The following PCDHGA3 variants were observed in gnomAD, a reference collection of about 807,000 sequenced individuals.
PCDHGA3 encodes protocadherin gamma subfamily A, 3, also known as protocadherin gamma-A3.
A neutral mutation model predicts 58.5 loss-of-function variants in PCDHGA3; 40 were observed. The ratio of observed to expected loss-of-function variants is 0.68; its 90% CI spans 0.53 to 0.89. PCDHGA3 has a LOEUF of 0.89. PCDHGA3 is among the 40% of genes least tolerant of loss of function. The pLI is 0.00. For missense variants in PCDHGA3, 1,223 were observed against 1,195.9 expected (o/e 1.02, Z -0.33); for synonymous variants, 530 against 525.7 (o/e 1.01, Z -0.11).
intron 1 of PCDHGA3, chr5:141,371,030 C>T (rs62378420): frequency 0.034 from 55,625 of 1,613,990 alleles, 1,067 homozygotes; most frequent in Middle Eastern, 0.098. Flanking sequence ...ACCTGGTCCT[C>T]ACAGCTGTGG....
At chr5:141,447,649 T>C (rs909020761) in intron 1 of PCDHGA3, among the ~76,000 whole-genome samples, 1 of 152,206 alleles carries the variant, frequency 6.6e-6, no homozygotes, top group Non-Finnish European at 1.5e-5. Context: ...TGGTAGAATT[T>C]TCCCCCCCAG....
rs779871354 is a variant in PCDHGA3 at position 141,428,131 on chromosome 5, G to A, written c.2425-66676G>A. 8.7e-6 allele frequency: 14 copies of A among 1,602,720 alleles called. No homozygotes were observed. The South Asian group carries it at 1.5e-4, about 18-fold the overall frequency. On this transcript the variant is annotated intron_variant, in intron 1 of 3. Transcript: ENST00000253812. ...CAGGCCATCGAGCCCGGGCTTTTCA[G>A]CCTGGGGCTGCACACGGGAACCTGC...
intron 1 of PCDHGA3, chr5:141,391,235 G>A (rs939140536): frequency 6.6e-6 from 1 of 151,890 alleles, no homozygotes; most frequent in Admixed American, 6.6e-5. Flanking sequence ...CTTTTGCTAG[G>A]TATATCTAAG....
intron 2 of PCDHGA3, among the ~76,000 whole-genome samples, chr5:141,502,829 C>A (rs1034808123): frequency 2.0e-5 from 3 of 150,428 alleles, no homozygotes; most frequent in African/African-American, 7.4e-5. Context: ...CTTGGGGAAG[C>A]CTGGACTGGC....
At chr5:141,352,739 C>A (rs765878578) in intron 1 of PCDHGA3, 129 of 1,476,434 alleles carry the variant, frequency 8.7e-5, no homozygotes, top group Non-Finnish European at 1.1e-4. Context: ...CCTGTAATCC[C>A]AGCACTTAAC....
intron 1 of PCDHGA3, chr5:141,418,595 G>T (rs1331897624): frequency 5.6e-6 from 9 of 1,613,928 alleles, no homozygotes; most frequent in Non-Finnish European, 7.6e-6. Flanking sequence ...CAGCCAGGAC[G>T]TGTACAGGGT....
In PCDHGA3 at chr5:141,431,183, A is replaced by G. The variant is rs1467232519; in HGVS notation, c.2425-63624A>G. Reference sequence around the variant, plus strand: ...TCGTGAAAGTGAATTAGAAATAAAAATTAGTGAAAATGCAGCCACTGAGAT... The same window carrying G: ...TCGTGAAAGTGAATTAGAAATAAAAGTTAGTGAAAATGCAGCCACTGAGAT... On this transcript the variant is annotated intron_variant, in intron 1 of 3. Transcript: ENST00000253812. The surrounding 1 kb of genome is among the most constrained non-coding windows in gnomAD (Gnocchi z 4.8). 1 of 1,614,218 alleles carries G rather than the reference A, an allele frequency of 6.2e-7. No individual in the cohort carries two copies. The highest frequency in any genetic ancestry group is 2.2e-5 in the East Asian group (1 of 44,880).
chr5:141,352,417 T>A, intron 1 of PCDHGA3: 4 of 1,614,054 alleles, frequency 2.5e-6, no homozygotes, highest in Non-Finnish European at 3.4e-6. Context: ...GCCTCGACAC[T>A]GAGGGCTGCT....
intron 1 of PCDHGA3, chr5:141,400,713 T>C: frequency 1.5e-6 from 1 of 686,914 alleles, no homozygotes; most frequent in South Asian, 2.0e-5. Context: ...GAAGTAGCCT[T>C]ATAGATTTAC....
At chr5:141,414,629 G>T in intron 1 of PCDHGA3, 1 of 1,614,000 alleles carries the variant, frequency 6.2e-7, no homozygotes. Context: ...GACCCGGACA[G>T]CAAAGAGAAT....
At chr5:141,388,568 ACACG>A in intron 1 of PCDHGA3, 1 of 1,613,888 alleles carries the variant, frequency 6.2e-7, no homozygotes, top group Non-Finnish European at 8.5e-7. Context: ...CTGCACAGAT[ACACG>A]TTCTAGTGAC....
intron 1 of PCDHGA3, among the ~76,000 whole-genome samples, chr5:141,458,338 G>A (rs1160200932): frequency 2.6e-5 from 4 of 152,134 alleles, no homozygotes; most frequent in African/African-American, 9.7e-5. Context: ...GTTTTAAGGA[G>A]TGGAGAGTTT....
Position 141,432,503 on chromosome 5 carries a change from G to A in PCDHGA3, c.2425-62304G>A, listed in dbSNP as rs939325676. On this transcript the variant is annotated intron_variant, in intron 1 of 3. Transcript: ENST00000253812. This position sits in a 1 kb window ranked among gnomAD's most constrained non-coding sequence, Gnocchi z 6.0. ...TGGCGTGGAGCTGGCTCCCCGCTCC[G>A]CAGAGCCCGGCTACCTGGTGACCAA... 5 of 1,613,988 alleles carry A rather than the reference G, an allele frequency of 3.1e-6. No individual in the cohort carries two copies. Among genetic ancestry groups the A allele is most frequent in the Non-Finnish European group, 2.5e-6 (3 of 1,180,038 alleles).
chr5:141,477,180 C>T lies in PCDHGA3; in HGVS notation c.2425-17627C>T. On this transcript the variant is annotated intron_variant, in intron 1 of 3. Coordinates refer to ENST00000253812, the MANE Select transcript of PCDHGA3 (RefSeq NM_018916.4). This position sits in a 1 kb window ranked among gnomAD's most constrained non-coding sequence, Gnocchi z 4.9. ...GACAACGCCCCGGAGATCACAGTCA[C>T]CTCCGTGTACAGCCCAGTACCCGAG... 1 of 1,614,196 alleles carries T rather than the reference C, an allele frequency of 6.2e-7. No homozygotes were observed. The highest frequency in any genetic ancestry group is 8.5e-7 in the Non-Finnish European group (1 of 1,180,032).
intron 1 of PCDHGA3, chr5:141,356,345 T>C (rs1223520317): frequency 1.3e-6 from 2 of 1,555,176 alleles, no homozygotes; most frequent in African/African-American, 2.7e-5. Context: ...AATGGCCTAG[T>C]CACATGTTCT....
At chr5:141,392,349 A>T (rs60903062) in intron 1 of PCDHGA3, 6,500 of 152,632 alleles carry the variant, frequency 0.043, 224 homozygotes, top group African/African-American at 0.093. Context: ...GAGTAATTTA[A>T]TCCGATGCTA....
chr5:141,400,462 G>T lies in PCDHGA3; in HGVS notation c.2424+54005G>T, dbSNP rs141917215. 2.3e-4 allele frequency: 379 copies of T among 1,614,062 alleles called. 2 individuals carry two copies. The African/African-American group carries it at 4.7e-3, about 20-fold the overall frequency. The stretch of plus-strand genomic sequence containing the variant: ...TTCAGGACAAGACATACTTTGTGGT[G>T]ATTCATCTGGGGCCTTATTTCCACT... On this transcript the variant is annotated intron_variant, in intron 1 of 3. Transcript: ENST00000253812.
At chr5:141,464,228 G>A (rs1196103285) in intron 1 of PCDHGA3, among the ~76,000 whole-genome samples, 1 of 148,156 alleles carries the variant, frequency 6.7e-6, no homozygotes, top group African/African-American at 2.5e-5. Context: ...TTGCGCCACT[G>A]CACTCCAGCC....
At chr5:141,374,613 A>G (rs1770655332) in intron 1 of PCDHGA3, 1 of 1,613,396 alleles carries the variant, frequency 6.2e-7, no homozygotes, top group African/African-American at 1.3e-5. Flanking sequence ...GGTAATAGTC[A>G]CTTCTCAGTG....
Sources: gnomAD v4.1 joint callset for allele counts (sites outside exome capture counted in the v4.1 genomes callset) on GRCh38, gnomAD v4.1.1 for gene constraint, Gnocchi (gnomAD v3.1) non-coding constraint, MANE v1.5 for transcripts, NCBI Gene and HGNC (gene_info 2026-07-23, HGNC 2026-07-21) for gene names.